Variants in LIMA1 observed in about 807,000 individuals in gnomAD.
LIMA1 encodes LIM domain and actin binding 1, also known as LIM domain and actin-binding protein 1.
A neutral mutation model predicts 62.6 loss-of-function variants in LIMA1; 52 were observed. The ratio of observed to expected loss-of-function variants is 0.83; its 90% CI spans 0.67 to 1.05. The LOEUF (loss-of-function observed/expected upper bound fraction) is 1.05, where lower values mean the gene tolerates loss of function less well. LIMA1 is among the 50% of genes least tolerant of loss of function. LIMA1 has a pLI of 0.00. For missense variants in LIMA1, 780 were observed against 902.2 expected, an observed-to-expected ratio of 0.86 and a Z score of 1.74; for synonymous variants, 302 against 317.8, an observed-to-expected ratio of 0.95 and a Z score of 0.53.
At chr12:50,282,400 C>G (rs571450916) in intron 1 of LIMA1, among the ~76,000 whole-genome samples, 22 of 152,330 alleles carry the variant, frequency 1.4e-4, no homozygotes, top group Admixed American at 5.9e-4. Context: ...AAACCTCTCC[C>G]CAAAATGGGC....
At chr12:50,210,207 G>A (rs1220650010) in intron 4 of LIMA1, among the ~76,000 whole-genome samples, 2 of 152,016 alleles carry the variant, frequency 1.3e-5, no homozygotes, top group African/African-American at 4.8e-5. Context: ...TGGATCACTT[G>A]AGGTCAGGAG....
intron 4 of LIMA1, among the ~76,000 whole-genome samples, chr12:50,211,996 G>A (rs184533225): frequency 2.6e-4 from 39 of 152,206 alleles, no homozygotes; most frequent in Non-Finnish European, 5.0e-4. Context: ...CCTCCTTCCT[G>A]TCAGCTGACA....
chr12:50,222,726 T>C, intron 3 of LIMA1: 3 of 1,383,102 alleles, frequency 2.2e-6, no homozygotes, highest in Admixed American at 2.9e-5. Context: ...AGGATGGCCT[T>C]ATAAGGACAA....
At chr12:50,212,966 C>T (rs1941283594) in intron 4 of LIMA1, among the ~76,000 whole-genome samples, 1 of 152,166 alleles carries the variant, frequency 6.6e-6, no homozygotes, top group South Asian at 2.1e-4. Flanking sequence ...AGGCGCATGT[C>T]ACCACGCCAG....
intron 1 of LIMA1, among the ~76,000 whole-genome samples, chr12:50,258,424 G>A (rs1290736959): frequency 2.0e-5 from 3 of 152,030 alleles, no homozygotes; most frequent in South Asian, 4.2e-4. Flanking sequence ...AGCCTGCCAA[G>A]TAGCTGGGAC....
intron 3 of LIMA1, among the ~76,000 whole-genome samples, chr12:50,226,878 T>C (rs976455882): frequency 7.3e-5 from 11 of 150,380 alleles, no homozygotes; most frequent in Non-Finnish European, 1.6e-4. Flanking sequence ...ATCTGGCCAC[T>C]ACTCAGTTTC....
intron 1 of LIMA1, among the ~76,000 whole-genome samples, chr12:50,255,056 A>AC (rs369652908): frequency 1.6e-4 from 23 of 147,776 alleles, no homozygotes; most frequent in East Asian, 1.0e-3. Flanking sequence ...ACAAAAAAAA[A>AC]CCACCAAACC....
intron 2 of LIMA1, among the ~76,000 whole-genome samples, chr12:50,235,577 ACTGT>A (rs546446874): frequency 1.1e-4 from 16 of 151,880 alleles, no homozygotes; most frequent in Non-Finnish European, 2.1e-4. Flanking sequence ...CAATCCTATC[ACTGT>A]CTAATTTTAA....
intron 4 of LIMA1, chr12:50,217,679 C>T (rs1253409567): frequency 4.4e-6 from 1 of 225,958 alleles, no homozygotes; most frequent in East Asian, 1.2e-4. Flanking sequence ...TTCTGGCGGT[C>T]GTGGGGCAGC....
intron 1 of LIMA1, among the ~76,000 whole-genome samples, chr12:50,283,208 A>C (rs1942361099): frequency 6.6e-6 from 1 of 151,710 alleles, no homozygotes; most frequent in South Asian, 2.1e-4. Context: ...TGGGCAGCAA[A>C]GGCTCAGCCC....
intron 8 of LIMA1, among the ~76,000 whole-genome samples, chr12:50,194,954 A>G (rs919818248): frequency 2.6e-5 from 4 of 152,116 alleles, no homozygotes; most frequent in Non-Finnish European, 5.9e-5. Flanking sequence ...AAGCTGAGAC[A>G]GGAGAATCGC....
At chr12:50,195,935 T>C in intron 7 of LIMA1, 48 bp from the exon 8 acceptor site, 3 of 1,487,818 alleles carry the variant, frequency 2.0e-6, no homozygotes, top group Non-Finnish European at 2.7e-6. Flanking sequence ...TTAAGAGTCA[T>C]ATTAAAAATA....
At chr12:50,244,626 TC>T (rs1941822715) in intron 2 of LIMA1, among the ~76,000 whole-genome samples, 1 of 152,186 alleles carries the variant, frequency 6.6e-6, no homozygotes, top group African/African-American at 2.4e-5. Flanking sequence ...AGTTTTGCAA[TC>T]CTTTCAGCCT....
At chr12:50,243,138 C>A (rs1941800815) in intron 2 of LIMA1, among the ~76,000 whole-genome samples, 1 of 152,100 alleles carries the variant, frequency 6.6e-6, no homozygotes, top group African/African-American at 2.4e-5. Flanking sequence ...AGAAATAAGC[C>A]TGCAGCTATA....
intron 1 of LIMA1, among the ~76,000 whole-genome samples, chr12:50,277,065 C>A (rs1006643982): frequency 1.3e-5 from 2 of 151,902 alleles, no homozygotes; most frequent in African/African-American, 4.8e-5. Flanking sequence ...AGACGTACAC[C>A]CTCTAGTCAC....
intron 8 of LIMA1, among the ~76,000 whole-genome samples, chr12:50,194,930 C>T (rs377370240): frequency 1.3e-5 from 2 of 152,006 alleles, no homozygotes; most frequent in East Asian, 1.9e-4. Context: ...CGCCTGTAAT[C>T]CCAGCTACTC....
At chr12:50,193,114 T>G (rs1940816680) in intron 8 of LIMA1, among the ~76,000 whole-genome samples, 1 of 152,166 alleles carries the variant, frequency 6.6e-6, no homozygotes, top group Non-Finnish European at 1.5e-5. Context: ...GAAGTTTTTT[T>G]CATAATCATT....
chr12:50,210,796 A>G (rs1003320076), intron 4 of LIMA1, among the ~76,000 whole-genome samples: 1 of 152,198 alleles, frequency 6.6e-6, no homozygotes, highest in Admixed American at 6.5e-5. Context: ...CCATGGGGGT[A>G]TCAAAACTCT....
rs769288381 is a variant in LIMA1 at position 50,210,418 on chromosome 12, C to CAA, written c.631-4352_631-4351dup. On this transcript the variant is annotated intron_variant, in intron 4 of 10. Transcript: ENST00000341247. ...GGGCAACAGAGCAAGACCCCATTTCCAAAAAAAAAAAAAAAAAGAAAAAAA... is the reference window on the plus strand; with the variant it reads ...GGGCAACAGAGCAAGACCCCATTTCCAAAAAAAAAAAAAAAAAAAGAAAAAAA... Among the ~76,000 whole-genome samples the CAA allele has an allele frequency of 1.9e-3, 175 of 90,818 alleles. 3 individuals carry two copies. Among genetic ancestry groups the CAA allele is most frequent in the African/African-American group, 6.6e-3 (168 of 25,542 alleles). The allele number at this position is 90,818 out of a possible 152,430, so 59.6% of individuals were successfully genotyped here. A position where few individuals can be genotyped will look rare whatever the true frequency, so the allele number is the denominator to read the frequency against.
Sources: allele counts gnomAD v4.1 joint callset (sites outside exome capture counted in the v4.1 genomes callset), GRCh38; gene constraint gnomAD v4.1.1; transcripts MANE v1.5; gene names NCBI Gene and HGNC (gene_info 2026-07-23, HGNC 2026-07-21).